CEP192: variants seen among roughly 807,000 people sequenced by gnomAD.
CEP192 encodes the protein centrosomal protein 192.
Under a neutral mutation model 271.8 loss-of-function variants are expected in CEP192, and 151 were observed. That is an observed-to-expected ratio of 0.56 (90% CI 0.49 to 0.64). The LOEUF (loss-of-function observed/expected upper bound fraction) is 0.64. Among genes scored for constraint, CEP192 ranks in the 30% least tolerant of loss-of-function variants. CEP192 has a pLI of 0.00. For missense variants in CEP192, 2,910 were observed against 3,020.5 expected, an observed-to-expected ratio of 0.96 and a Z score of 0.86; for synonymous variants, 995 against 1,076.5, an observed-to-expected ratio of 0.92 and a Z score of 1.48.
rs549735704 is a variant in CEP192, at chr18:13,078,619, G to A, written c.5616+5434G>A. Among the ~76,000 whole-genome samples the A allele has an allele frequency of 4.5e-3, 690 of 151,852 alleles. 5 individuals carry two copies. Among genetic ancestry groups the A allele is most frequent in the Non-Finnish European group, 7.2e-3 (488 of 67,932 alleles). ...GTTGTTTCCTGACTTTTTAATGATCGCCATTCTTTTGTTGTTGTTGTTGTT... is the reference window on the plus strand; with the variant it reads ...GTTGTTTCCTGACTTTTTAATGATCACCATTCTTTTGTTGTTGTTGTTGTT... On this transcript the variant is annotated intron_variant, in intron 30 of 44. Transcript: ENST00000506447.
chr18:13,083,868 T>A lies in CEP192; in HGVS notation c.5617-3149T>A, dbSNP rs147085837. ...TGTTTGTTAGTTTTCCTTCTAAGAG[T>A]CAGGTCCCTCAGCTACAGGTCTGTT... is the stretch of plus-strand genomic sequence containing the variant. On this transcript the variant is annotated intron_variant, in intron 30 of 44. Coordinates refer to ENST00000506447, the MANE Select transcript of CEP192 (RefSeq NM_032142.4). Among the ~76,000 whole-genome samples the A allele has an allele frequency of 6.6e-3, 1,005 of 152,250 alleles. 22 individuals carry two copies. The highest frequency in any genetic ancestry group is 0.022 in the African/African-American group (926 of 41,540).
At chr18:13,101,838 G>T (rs964205776) in intron 38 of CEP192, among the ~76,000 whole-genome samples, 6 of 152,088 alleles carry the variant, frequency 3.9e-5, no homozygotes, top group Admixed American at 3.3e-4. Flanking sequence ...CCTGTTTTGT[G>T]CTCTCTCCCA....
intron 30 of CEP192, among the ~76,000 whole-genome samples, chr18:13,077,026 G>T (rs2038326206): frequency 6.6e-6 from 1 of 152,006 alleles, no homozygotes; most frequent in Non-Finnish European, 1.5e-5. Context: ...CAAGTAATCC[G>T]CCTGCCTTGG....
At chr18:13,112,036 A>G (rs543440798) in intron 40 of CEP192, among the ~76,000 whole-genome samples, 1 of 152,356 alleles carries the variant, frequency 6.6e-6, no homozygotes, top group African/African-American at 2.4e-5. Context: ...GGTATGTGAA[A>G]TGGTACAGCC....
chr18:13,037,263 G>A lies in CEP192; in HGVS notation c.1561G>A (p.Asp521Asn), dbSNP rs2035966882. 1 of 1,346,092 alleles carries A rather than the reference G, an allele frequency of 7.4e-7. No individual in the cohort carries two copies. Among genetic ancestry groups the A allele is most frequent in the Non-Finnish European group, 1.0e-6 (1 of 963,176 alleles). 83.4% of individuals were successfully genotyped at this position (1,346,092 alleles called of 1,614,324 possible). ...GSEAFDLIAQ[D>N]EEEFNKEHQF... is the part of the protein sequence containing the mutation. ...TGAAGCATTTGATTTGATTGCACAA[G>A]ATGAAGAAGAATTTAATAAAGAGCA... The change falls in exon 12 of 45, where the codon GAT (aspartate) becomes AAT (asparagine). Residue 521 changes from aspartate to asparagine, a missense_variant. Transcript: ENST00000506447.
rs552932289 is a variant in CEP192, at chr18:13,009,730, G to T, written c.466+1099G>T. 2.7e-4 allele frequency among the ~76,000 whole-genome samples: 41 copies of T among 152,328 alleles called. No individual in the cohort carries two copies. The South Asian group carries it at 8.5e-3, about 32-fold the overall frequency. On this transcript the variant is annotated intron_variant, in intron 4 of 44. Coordinates refer to ENST00000506447, the MANE Select transcript of CEP192 (RefSeq NM_032142.4). Reference sequence around the variant, plus strand: ...TACCTGTAATCCCAGCTACCCGGGAGGCTGAGGCAGGAGAATCGCTTGAAC... The same window carrying T: ...TACCTGTAATCCCAGCTACCCGGGATGCTGAGGCAGGAGAATCGCTTGAAC...
intron 1 of CEP192, among the ~76,000 whole-genome samples, chr18:12,991,907 C>G (rs947579833): frequency 9.8e-5 from 8 of 81,598 alleles, no homozygotes; most frequent in African/African-American, 6.9e-4. Context: ...CAGGAAGTAA[C>G]CTTGTTAACT....
rs199798710 is a variant in CEP192, at chr18:13,049,814, GCA to G, written c.2941_2942del (p.Gln981GlyfsTer16). The G allele has an allele frequency of 2.9e-3, 4,661 of 1,613,998 alleles. 82 individuals carry two copies. The African/African-American group carries it at 0.045, about 16-fold the overall frequency. ...EHGGRGSEDE[Q>X]ESFRPSTSPL... ...ATGGTGGACGTGGCTCAGAGGATGAGCAGGAGAGCTTCAGACCTTCCACGTCA... is the reference window on the plus strand; with the variant it reads ...ATGGTGGACGTGGCTCAGAGGATGAGGGAGAGCTTCAGACCTTCCACGTCA... On this transcript the variant is annotated frameshift_variant, in exon 17 of 45. Coordinates refer to ENST00000506447, the MANE Select transcript of CEP192 (RefSeq NM_032142.4). LOFTEE classifies it high-confidence loss of function.
Position 13,048,866 on chromosome 18 carries a change from T to C in CEP192, c.2075T>C (p.Phe692Ser). Reference protein sequence around the residue: ...TADKGKTEDTFFMSNKPQRYK... With the variant: ...TADKGKTEDTSFMSNKPQRYK... Reference sequence around the variant, plus strand: ...TAATTTTCTCACTTCTAGGACACTTTCTTCATGAGCAACAAACCCCAAAGA... The same window carrying C: ...TAATTTTCTCACTTCTAGGACACTTCCTTCATGAGCAACAAACCCCAAAGA... Residue 692 changes from phenylalanine to serine, a missense_variant, in exon 16 of 45, where the codon TTC (phenylalanine) becomes TCC (serine). Transcript: ENST00000506447. 2 of 1,593,736 alleles carry C rather than the reference T, an allele frequency of 1.3e-6. No individual in the cohort carries two copies. The highest frequency in any genetic ancestry group is 1.7e-6 in the Non-Finnish European group (2 of 1,168,200).
At chr18:13,062,750 C>CT (rs886209785) in intron 21 of CEP192, among the ~76,000 whole-genome samples, 43 of 152,206 alleles carry the variant, frequency 2.8e-4, no homozygotes, top group African/African-American at 9.9e-4. Context: ...CAGTTACATA[C>CT]TTTAAGTTAT....
intron 33 of CEP192, among the ~76,000 whole-genome samples, chr18:13,090,020 GCAAAAAAA>G (rs1022824658): frequency 1.2e-4 from 18 of 152,050 alleles, no homozygotes; most frequent in Admixed American, 1.0e-3. Flanking sequence ...TGTAGTGGTG[GCAAAAAAA>G]CTTCAAAATA....
At chr18:13,006,056 G>T (rs2033959601) in intron 3 of CEP192, among the ~76,000 whole-genome samples, 2 of 152,118 alleles carry the variant, frequency 1.3e-5, no homozygotes, top group Admixed American at 6.5e-5. Context: ...TTGGTTTGGA[G>T]ATCAGTTCTG....
intron 40 of CEP192, 92 bp from the exon 41 acceptor site, chr18:13,113,493 AT>A: frequency 1.5e-6 from 2 of 1,296,994 alleles, no homozygotes; most frequent in South Asian, 1.3e-5. Flanking sequence ...TGTTCCTTTA[AT>A]TTTTTTCATA....
chr18:13,012,829 C>T, intron 4 of CEP192, 144 bp from the exon 5 acceptor site: 1 of 494,720 alleles, frequency 2.0e-6, no homozygotes, highest in Admixed American at 4.0e-5. Context: ...ATGTAACTGA[C>T]CTATGATGGA....
intron 11 of CEP192, among the ~76,000 whole-genome samples, chr18:13,033,854 A>G (rs1468724528): frequency 1.3e-5 from 2 of 152,354 alleles, no homozygotes; most frequent in Middle Eastern, 3.4e-3. Flanking sequence ...GAGGATGTAC[A>G]TACAGATATT....
In CEP192 at chr18:13,001,960, C is replaced by T. The variant is rs182169877; in HGVS notation, c.290+378C>T. On this transcript the variant is annotated intron_variant, in intron 3 of 44. Coordinates refer to ENST00000506447, the MANE Select transcript of CEP192 (RefSeq NM_032142.4). ...GACCTCAAGTGAACCGCCCCACCCG[C>T]GTTGGCCTCCCAAAGTGCTGGGATT... is the stretch of plus-strand genomic sequence containing the variant. Among the ~76,000 whole-genome samples the T allele has an allele frequency of 4.1e-3, 622 of 152,316 alleles. 6 individuals carry two copies. Among genetic ancestry groups the T allele is most frequent in the Non-Finnish European group, 3.8e-3 (260 of 68,028 alleles).
At chr18:13,109,619 G>GA (rs1202592036) in intron 40 of CEP192, among the ~76,000 whole-genome samples, 5 of 150,768 alleles carry the variant, frequency 3.3e-5, no homozygotes, top group South Asian at 2.1e-4. Flanking sequence ...ATTTTAAAAA[G>GA]AAAAAAAATT....
Position 13,067,937 on chromosome 18 carries a change from T to G in CEP192, c.4595T>G (p.Ile1532Ser), listed in dbSNP as rs1014149573. ...AACCGAACGCATGCCACTGTGCCAA[T>G]TAGACTGATTATTAATGCTGTAAGT... ...LINRTHATVP[I>S]RLIINANAVA... The change falls in exon 22 of 45, where the codon ATT (isoleucine) becomes AGT (serine). Residue 1532 changes from isoleucine (I) to serine (S), a missense_variant. Ile to Ser is a moderately radical substitution (Grantham distance 142). Coordinates refer to ENST00000506447, the MANE Select transcript of CEP192 (RefSeq NM_032142.4). The G allele has an allele frequency of 2.5e-6, 4 of 1,610,312 alleles. No homozygotes were observed. In the African/African-American group the frequency reaches 4.0e-5, roughly 16 times the overall value.
chr18:13,111,243 G>A (rs181154988), intron 40 of CEP192, among the ~76,000 whole-genome samples: 47 of 152,278 alleles, frequency 3.1e-4, no homozygotes, highest in African/African-American at 1.0e-3. Context: ...TCCTGTCTCA[G>A]CCTCCCGAGT....
Sources: allele counts gnomAD v4.1 joint callset (sites outside exome capture counted in the v4.1 genomes callset), GRCh38; gene constraint gnomAD v4.1.1; transcripts MANE v1.5; gene names NCBI Gene and HGNC (gene_info 2026-07-23, HGNC 2026-07-21).